Variants in CSMD1 observed in about 807,000 individuals in gnomAD.
The protein encoded by CSMD1 is CUB and Sushi multiple domains 1.
Under a neutral mutation model 417.5 loss-of-function variants are expected in CSMD1, and 213 were observed. The ratio of observed to expected loss-of-function variants is 0.51; its 90% CI spans 0.46 to 0.57. The LOEUF (loss-of-function observed/expected upper bound fraction) is 0.57. Ranked by LOEUF, CSMD1 falls within the 20% of genes least tolerant of loss-of-function variation. The pLI, the probability that CSMD1 is intolerant of heterozygous loss-of-function variation, is 0.00. For missense variants in CSMD1, 6,923 were observed against 4,529.7 expected, an observed-to-expected ratio of 1.53 and a Z score of -15.17; for synonymous variants, 2,862 against 1,736.8, an observed-to-expected ratio of 1.65 and a Z score of -16.11.
chr8:3,255,385 C>G (rs919512589), intron 26 of CSMD1, among the ~76,000 whole-genome samples: 3 of 152,174 alleles, frequency 2.0e-5, no homozygotes, highest in Non-Finnish European at 4.4e-5. Context: ...AACCACTACT[C>G]TATGTAAAGC....
At position 2,963,399 on chromosome 8, in the gene CSMD1, T is replaced by G. The variant is rs777963194; in HGVS notation, c.9281-4A>C. 6.2e-7 allele frequency: 1 copy of G among 1,613,006 alleles called. No homozygotes were observed. The highest frequency in any genetic ancestry group is 8.5e-7 in the Non-Finnish European group (1 of 1,179,070). ...GGCGGCTGAGGACACAGCACGGCTA[T>G]TTCCAAAGAACAAACAAGATCAACA... On this transcript the variant is annotated splice_polypyrimidine_tract_variant and splice_region_variant and intron_variant, in intron 59 of 69. Coordinates refer to ENST00000635120, the MANE Select transcript of CSMD1 (RefSeq NM_033225.6).
chr8:3,139,116 G>C (rs766469807), intron 41 of CSMD1, among the ~76,000 whole-genome samples: 43 of 152,114 alleles, frequency 2.8e-4, no homozygotes, highest in Non-Finnish European at 4.4e-4. Context: ...TCAGCTTCGG[G>C]CACATGTTTC....
chr8:3,991,577 A>C (rs937256504), intron 5 of CSMD1, among the ~76,000 whole-genome samples: 5 of 152,318 alleles, frequency 3.3e-5, no homozygotes, highest in African/African-American at 1.2e-4. Flanking sequence ...AACACGTAAG[A>C]GTAGCTAGTG....
intron 47 of CSMD1, among the ~76,000 whole-genome samples, chr8:3,096,278 T>C (rs553365125): frequency 6.6e-6 from 1 of 152,250 alleles, no homozygotes; most frequent in East Asian, 1.9e-4. Flanking sequence ...CCCTCCCAAA[T>C]CTCTTCTTGA....
At chr8:4,326,738 A>C (rs2128888020) in intron 3 of CSMD1, among the ~76,000 whole-genome samples, 1 of 152,310 alleles carries the variant, frequency 6.6e-6, no homozygotes, top group Admixed American at 6.5e-5. Flanking sequence ...ACTTGATGGA[A>C]TAGTAATGCC....
At chr8:4,811,920 G>A (rs1212603581) in intron 1 of CSMD1, among the ~76,000 whole-genome samples, 2 of 152,056 alleles carry the variant, frequency 1.3e-5, no homozygotes, top group African/African-American at 4.8e-5. Context: ...TCTCCGTATA[G>A]AATTTTCTGA....
chr8:3,746,431 A>T (rs935477586), intron 6 of CSMD1, among the ~76,000 whole-genome samples: 1 of 152,216 alleles, frequency 6.6e-6, no homozygotes, highest in Non-Finnish European at 1.5e-5. Context: ...AAGTTTAGAG[A>T]AAGGAAGGAT....
chr8:3,820,892 A>G lies in CSMD1; in HGVS notation c.819-66850T>C, dbSNP rs779829313. ...AATGCCTTCTTCGGAATACCTCCTT[A>G]AGGACCTGCCTGAGGGTGTTCTATC... On this transcript the variant is annotated intron_variant, in intron 5 of 69. Coordinates refer to ENST00000635120, the MANE Select transcript of CSMD1 (RefSeq NM_033225.6). Among the ~76,000 whole-genome samples the G allele has an allele frequency of 3.3e-4, 50 of 151,880 alleles. 1 individual carries two copies. Among genetic ancestry groups the G allele is most frequent in the Non-Finnish European group, 2.8e-4 (19 of 67,970 alleles).
At chr8:4,207,872 G>A (rs1800077595) in intron 3 of CSMD1, among the ~76,000 whole-genome samples, 1 of 151,980 alleles carries the variant, frequency 6.6e-6, no homozygotes, top group African/African-American at 2.4e-5. Context: ...CCATATAGGT[G>A]GAGAAATTAG....
chr8:4,513,450 T>C lies in CSMD1; in HGVS notation c.303-93385A>G, dbSNP rs180995627. On this transcript the variant is annotated intron_variant, in intron 2 of 69. Transcript: ENST00000635120. The stretch of plus-strand genomic sequence containing the variant: ...GATCATGTTCAAAGCATGTTAAAAG[T>C]AGATCCCAATTCTTTCATACCCACA... 5.9e-5 allele frequency among the ~76,000 whole-genome samples: 9 copies of C among 152,276 alleles called. No homozygotes were observed. In the East Asian group the frequency reaches 1.7e-3, roughly 29 times the overall value.
intron 30 of CSMD1, among the ~76,000 whole-genome samples, chr8:3,206,951 T>A (rs113512636): frequency 2.6e-5 from 4 of 152,020 alleles, no homozygotes; most frequent in Non-Finnish European, 5.9e-5. Flanking sequence ...CTGTTTAACA[T>A]AGGGCAATGA....
chr8:4,368,037 T>C (rs1802187284), intron 3 of CSMD1, among the ~76,000 whole-genome samples: 1 of 152,182 alleles, frequency 6.6e-6, no homozygotes, highest in African/African-American at 2.4e-5. Context: ...TGGCTAGAAC[T>C]TCCAGTACTA....
chr8:4,710,447 TG>T (rs1808213495), intron 1 of CSMD1, among the ~76,000 whole-genome samples: 1 of 144,470 alleles, frequency 6.9e-6, no homozygotes, highest in African/African-American at 2.5e-5. Flanking sequence ...CTTTATATAT[TG>T]ATATATAATG....
intron 3 of CSMD1, among the ~76,000 whole-genome samples, chr8:4,374,387 A>C (rs572571519): frequency 1.1e-4 from 17 of 152,212 alleles, no homozygotes; most frequent in Non-Finnish European, 1.6e-4. Flanking sequence ...GTAATAATAA[A>C]AAGAAAGTCA....
intron 26 of CSMD1, among the ~76,000 whole-genome samples, chr8:3,259,800 C>T (rs927531393): frequency 3.3e-5 from 5 of 152,136 alleles, no homozygotes; most frequent in Non-Finnish European, 7.3e-5. Flanking sequence ...GGCCCATCAG[C>T]TAGTATTGTA....
intron 2 of CSMD1, among the ~76,000 whole-genome samples, chr8:4,556,527 C>T (rs969593578): frequency 3.3e-5 from 5 of 152,150 alleles, no homozygotes; most frequent in Admixed American, 6.5e-5. Context: ...ATCTCTCAAC[C>T]TCAGTTCCTT....
At chr8:3,466,284 C>T (rs190469983) in intron 12 of CSMD1, among the ~76,000 whole-genome samples, 1 of 151,912 alleles carries the variant, frequency 6.6e-6, no homozygotes, top group South Asian at 2.1e-4. Flanking sequence ...GCAGCAGAAC[C>T]AGTATTCAGG....
At chr8:3,884,136 A>G (rs987470879) in intron 5 of CSMD1, among the ~76,000 whole-genome samples, 3 of 152,190 alleles carry the variant, frequency 2.0e-5, no homozygotes, top group African/African-American at 7.2e-5. Context: ...TCGAATTTTT[A>G]TTCCTAAGAA....
chr8:3,977,735 T>G (rs1813548844), intron 5 of CSMD1, among the ~76,000 whole-genome samples: 1 of 152,238 alleles, frequency 6.6e-6, no homozygotes, highest in Non-Finnish European at 1.5e-5. Context: ...ATATTAATTT[T>G]GGTCTTCACA....
Sources: gnomAD v4.1 joint callset for allele counts (sites outside exome capture counted in the v4.1 genomes callset) on GRCh38, gnomAD v4.1.1 for gene constraint, MANE v1.5 for transcripts, NCBI Gene and HGNC (gene_info 2026-07-23, HGNC 2026-07-21) for gene names.